Variants in TMEM68 observed in about 807,000 individuals in gnomAD.
TMEM68 encodes the protein transmembrane protein 68, also known as DGAT1/2-independent enzyme synthesizing storage lipids.
TMEM68 carries 25 observed loss-of-function variants against 36.9 expected under a neutral mutation model. The ratio of observed to expected loss-of-function variants is 0.68; its 90% confidence interval spans 0.49 to 0.95. The LOEUF (loss-of-function observed/expected upper bound fraction) is 0.95, where lower values mean the gene tolerates loss of function less well. Ranked by LOEUF, TMEM68 falls within the 40% of genes least tolerant of loss-of-function variation. TMEM68 has a pLI of 0.00. For missense variants in TMEM68, 333 were observed against 392.0 expected, an observed-to-expected ratio of 0.85 and a Z score of 1.27; for synonymous variants, 131 against 124.4, an observed-to-expected ratio of 1.05 and a Z score of -0.35.
intron 1 of TMEM68, among the ~76,000 whole-genome samples, chr8:55,767,093 ACG>A (rs1810990426): frequency 1.8e-5 from 1 of 57,138 alleles, no homozygotes; most frequent in African/African-American, 7.6e-5. Flanking sequence ...CGTGAAGATT[ACG>A]TGTAAAAAAA....
chr8:55,768,299 G>A (rs1462038231), intron 1 of TMEM68, among the ~76,000 whole-genome samples: 3 of 152,182 alleles, frequency 2.0e-5, no homozygotes, highest in Admixed American at 2.0e-4. Flanking sequence ...GTTCAAGAAT[G>A]AATGGGAGAA....
intron 7 of TMEM68, among the ~76,000 whole-genome samples, chr8:55,743,172 C>T (rs1325764235): frequency 6.6e-6 from 1 of 152,104 alleles, no homozygotes; most frequent in Non-Finnish European, 1.5e-5. Context: ...TTCTCCCAAA[C>T]TCCAGTCCAA....
Position 55,762,779 on chromosome 8 carries a change from T to G in TMEM68, c.181A>C (p.Ile61Leu). 6.2e-7 allele frequency: 1 copy of G among 1,613,904 alleles called. No individual in the cohort carries two copies. Among genetic ancestry groups the G allele is most frequent in the Non-Finnish European group, 8.5e-7 (1 of 1,179,852 alleles). ...LILLILPYFTIFLLYLTIIFL... is the reference protein window; with the variant it reads ...LILLILPYFTLFLLYLTIIFL... ...ATAATAGTAAGGTAGAGAAGAAAGA[T>G]AGTAAAGTAAGGAAGTATTAAAAGT... is the stretch of plus-strand genomic sequence containing the variant. The change falls in exon 3 of 8, where the codon ATC becomes CTC. Residue 61 changes from isoleucine (I) to leucine (L), a missense_variant. By Grantham distance (5) the Ile-to-Leu change is conservative (BLOSUM62 2). Coordinates refer to ENST00000434581, the MANE Select transcript of TMEM68 (RefSeq NM_001286657.2).
intron 1 of TMEM68, among the ~76,000 whole-genome samples, chr8:55,768,494 C>T (rs1322339078): frequency 1.3e-5 from 2 of 151,866 alleles, no homozygotes; most frequent in African/African-American, 2.4e-5. Flanking sequence ...GCAAGAGGAT[C>T]GCTTGAAACC....
chr8:55,763,717 C>CCTGTTTTT (rs1810877868), intron 2 of TMEM68: 1 of 47,012 alleles, frequency 2.1e-5, no homozygotes, highest in Non-Finnish European at 5.6e-5. Context: ...CAAAAGAAAA[C>CCTGTTTTT]ATCAATATCT....
intron 3 of TMEM68, among the ~76,000 whole-genome samples, chr8:55,758,792 C>T (rs772908242): frequency 3.3e-5 from 5 of 151,860 alleles, no homozygotes; most frequent in Non-Finnish European, 5.9e-5. Flanking sequence ...GGTGACAGTG[C>T]GAGACCCTGA....
intron 3 of TMEM68, chr8:55,761,700 C>T (rs777557293): frequency 9.2e-5 from 14 of 152,208 alleles, no homozygotes; most frequent in Non-Finnish European, 1.6e-4. Flanking sequence ...TTTGTAGGTT[C>T]GTTAAGTATG....
rs1338679918 is a variant in TMEM68, at chr8:55,743,480, C to A, written c.888+1G>T. On this transcript the variant is annotated splice_donor_variant, in intron 7 of 7. Coordinates refer to ENST00000434581, the MANE Select transcript of TMEM68 (RefSeq NM_001286657.2). LOFTEE classifies it high-confidence loss of function. ...AAACTAAAAAAGAAAAAGCAATTTA[C>A]CTTTTCAGCTAATTCTTCCGCTGTT... 11 of 1,520,840 alleles carry A rather than the reference C, an allele frequency of 7.2e-6. No homozygotes were observed. The highest frequency in any genetic ancestry group is 9.6e-6 in the Non-Finnish European group (11 of 1,142,724). 94.2% of individuals were successfully genotyped at this position (1,520,840 alleles called of 1,614,324 possible). A position where few individuals can be genotyped will look rare whatever the true frequency, so the allele number is the denominator to read the frequency against.
At position 55,756,403 on chromosome 8, in the gene TMEM68, C is replaced by T. The variant is rs1470476914; in HGVS notation, c.334G>A (p.Val112Ile). 1 of 1,566,824 alleles carries T rather than the reference C, an allele frequency of 6.4e-7. No homozygotes were observed. The highest frequency in any genetic ancestry group is 2.1e-5 in the Admixed American group (1 of 47,172). The change falls in exon 4 of 8, where the codon GTT becomes ATT. Residue 112 changes from valine (V) to isoleucine (I), a missense_variant. Transcript: ENST00000434581. ...GHAAVWHGYE[V>I]HGMEKIPEDG... The stretch of plus-strand genomic sequence containing the variant: ...TCTGGTATTTTTTCCATTCCATGAA[C>T]TTCATAACCTGTTTGAATGACAAAA...
intron 6 of TMEM68, 43 bp downstream of exon 6, chr8:55,745,018 A>T (rs560122559): frequency 3.9e-6 from 5 of 1,293,296 alleles, no homozygotes; most frequent in East Asian, 2.8e-5. Flanking sequence ...CAAATATTTT[A>T]AAAATTACAT....
rs1810163045 is a variant in TMEM68 at position 55,743,361 on chromosome 8, T to C, written c.888+120A>G. On this transcript the variant is annotated intron_variant, in intron 7 of 7. Transcript: ENST00000434581. ...GTTCCCTAGGGTATACAATCACCTCTGGTTGAGAACCACTGACCTAGACAT... is the reference window on the plus strand; with the variant it reads ...GTTCCCTAGGGTATACAATCACCTCCGGTTGAGAACCACTGACCTAGACAT... The C allele has an allele frequency of 2.4e-6, 3 of 1,266,260 alleles. No individual in the cohort carries two copies. In the African/African-American group the frequency reaches 4.5e-5, roughly 19 times the overall value. The allele number at this position is 1,266,260 out of a possible 1,614,324, so 78.4% of individuals were successfully genotyped here.
intron 5 of TMEM68, among the ~76,000 whole-genome samples, chr8:55,748,441 T>C (rs968123678): frequency 6.6e-6 from 1 of 151,884 alleles, no homozygotes; most frequent in African/African-American, 2.4e-5. Flanking sequence ...ATTCCTTCTT[T>C]CATGCATACT....
At chr8:55,754,115 C>T (rs929297071) in intron 4 of TMEM68, among the ~76,000 whole-genome samples, 7 of 150,356 alleles carry the variant, frequency 4.7e-5, no homozygotes, top group Admixed American at 1.3e-4. Context: ...TATGTATATA[C>T]ACACACACAC....
rs1810727160 is a variant in TMEM68, at chr8:55,759,780, T to G, written c.325+2855A>C. ...TTCTTTAGAAATTTCCTCATTCTAT[T>G]CATGAAAAAAACAAACATGATTTTG... On this transcript the variant is annotated intron_variant, in intron 3 of 7. Coordinates refer to ENST00000434581, the MANE Select transcript of TMEM68 (RefSeq NM_001286657.2). Among the ~76,000 whole-genome samples, 3 of 152,184 alleles carry G rather than the reference T, an allele frequency of 2.0e-5. No homozygotes were observed. In the South Asian group the frequency reaches 6.2e-4, roughly 32 times the overall value.
chr8:55,763,085 T>G, intron 2 of TMEM68, 57 bp from the exon 3 acceptor site: 1 of 1,044,932 alleles, frequency 9.6e-7, no homozygotes, highest in Admixed American at 3.2e-5. Context: ...GTTAAATGTT[T>G]TACTCTACTT....
chr8:55,758,169 G>T (rs1371244036), intron 3 of TMEM68, among the ~76,000 whole-genome samples: 1 of 151,994 alleles, frequency 6.6e-6, no homozygotes, highest in African/African-American at 2.4e-5. Context: ...TCTACTTCAG[G>T]CCCTACACTA....
chr8:55,751,332 C>T (rs1810422644), intron 4 of TMEM68, 175 bp from the exon 5 acceptor site: 1 of 578,310 alleles, frequency 1.7e-6, no homozygotes, highest in African/African-American at 1.9e-5. Flanking sequence ...TTAAGCTTCT[C>T]TGGCTCAAAT....
intron 4 of TMEM68, among the ~76,000 whole-genome samples, chr8:55,753,503 T>C (rs967794330): frequency 5.3e-5 from 8 of 152,242 alleles, no homozygotes; most frequent in Admixed American, 1.3e-4. Flanking sequence ...ACAGAAAACA[T>C]AGCCATAAAC....
At chr8:55,757,837 G>A (rs767324159) in intron 3 of TMEM68, among the ~76,000 whole-genome samples, 1 of 152,082 alleles carries the variant, frequency 6.6e-6, no homozygotes, top group Non-Finnish European at 1.5e-5. Flanking sequence ...GGGGGCAGTG[G>A]CAGCAAATTT....
Sources: allele counts gnomAD v4.1 joint callset (sites outside exome capture counted in the v4.1 genomes callset), GRCh38; gene constraint gnomAD v4.1.1; transcripts MANE v1.5; gene names NCBI Gene and HGNC (gene_info 2026-07-23, HGNC 2026-07-21).